ERBIN: variants seen among roughly 807,000 people sequenced by gnomAD.
The protein encoded by ERBIN is erbb2 interacting protein, also known as densin-180-like protein.
In ERBIN, 60 loss-of-function variants were observed where a neutral mutation model predicts 158.4. The observed-to-expected ratio is 0.38, with a 90% CI of 0.31 to 0.47. The LOEUF (loss-of-function observed/expected upper bound fraction) is 0.47. Among genes scored for constraint, ERBIN ranks in the 20% least tolerant of loss-of-function variants. ERBIN has a pLI of 0.99. For synonymous variants in ERBIN, 594 were observed against 557.2 expected (o/e 1.07, Z -0.93); for missense variants, 1,610 against 1,648.0 (o/e 0.98, Z 0.40).
chr5:66,037,217 G>C (rs946086431), intron 14 of ERBIN, among the ~76,000 whole-genome samples: 3 of 152,062 alleles, frequency 2.0e-5, no homozygotes, highest in Admixed American at 2.0e-4. Flanking sequence ...TCGTGACTTT[G>C]GAAAAATTTG....
At chr5:65,963,339 A>G (rs1384990167) in intron 1 of ERBIN, among the ~76,000 whole-genome samples, 1 of 152,224 alleles carries the variant, frequency 6.6e-6, no homozygotes, top group African/African-American at 2.4e-5. Flanking sequence ...GGAATTCTCA[A>G]GTTATCACTC....
At chr5:65,993,589 ATATT>A (rs1752114599) in intron 3 of ERBIN, among the ~76,000 whole-genome samples, 1 of 152,052 alleles carries the variant, frequency 6.6e-6, no homozygotes, top group Non-Finnish European at 1.5e-5. Flanking sequence ...AAATTGCTAT[ATATT>A]TAATTGTTAA....
chr5:66,001,472 T>C (rs1408075942), intron 4 of ERBIN, among the ~76,000 whole-genome samples: 2 of 152,188 alleles, frequency 1.3e-5, no homozygotes, highest in African/African-American at 4.8e-5. Flanking sequence ...GTAGTTCTTA[T>C]CAGTGTTTTT....
At chr5:66,068,931 T>C in intron 21 of ERBIN, 3 of 1,535,902 alleles carry the variant, frequency 2.0e-6, no homozygotes, top group Non-Finnish European at 2.6e-6. Context: ...CAGTTTTCAC[T>C]GTGGCAGCTC....
rs569350175 is a variant in ERBIN, at chr5:66,076,372, C to T, written c.4020C>T (p.Val1340=). 24 of 1,613,234 alleles carry T rather than the reference C, an allele frequency of 1.5e-5. No individual in the cohort carries two copies. The highest frequency in any genetic ancestry group is 6.7e-5 in the African/African-American group (5 of 74,922). ...PELGFSISGG[V]GGRGNPFRPD... is the part of the protein sequence containing the mutation. ...TTGGATTTAGCATATCAGGTGGTGT[C>T]GGGGGTAGAGGAAACCCATTCAGAC... The change falls in exon 24 of 26, where the codon GTC becomes GTT. Residue 1340 remains valine (V), a synonymous_variant. Coordinates refer to ENST00000284037, the MANE Select transcript of ERBIN (RefSeq NM_001253697.2).
chr5:65,962,206 T>C (rs1748000727), intron 1 of ERBIN, among the ~76,000 whole-genome samples: 1 of 152,212 alleles, frequency 6.6e-6, no homozygotes, highest in African/African-American at 2.4e-5. Context: ...TATAGGTCAG[T>C]GATTTCCTTC....
intron 1 of ERBIN, among the ~76,000 whole-genome samples, chr5:65,939,384 C>T (rs1744498435): frequency 6.6e-6 from 1 of 152,116 alleles, no homozygotes; most frequent in African/African-American, 2.4e-5. Flanking sequence ...TTGCAGTGAG[C>T]CGAGGTTGCG....
intron 21 of ERBIN, among the ~76,000 whole-genome samples, chr5:66,063,020 T>C (rs1441376892): frequency 6.6e-6 from 1 of 152,230 alleles, no homozygotes; most frequent in African/African-American, 2.4e-5. Context: ...CTGCCTGTTC[T>C]CAGATCTCAA....
Position 66,026,385 on chromosome 5 carries a change from A to G in ERBIN, c.1104A>G (p.Gln368=), listed in dbSNP as rs1354209926. ...ETLPEEMGDM[Q]KLKVINLSDN... ...TTCCAGAGGAAATGGGTGATATGCA[A>G]AAATTAAAAGTCATTAATTTAAGTG... Residue 368 remains glutamine (Q), a synonymous_variant, in exon 13 of 26, where the codon CAA becomes CAG. Coordinates refer to ENST00000284037, the MANE Select transcript of ERBIN (RefSeq NM_001253697.2). 1.9e-6 allele frequency: 3 copies of G among 1,600,434 alleles called. No homozygotes were observed. In the African/African-American group the frequency reaches 4.1e-5, roughly 22 times the overall value.
intron 21 of ERBIN, chr5:66,068,800 AGTCTAC>A (rs1204054448): frequency 2.4e-6 from 3 of 1,274,150 alleles, no homozygotes; most frequent in Non-Finnish European, 3.1e-6. Flanking sequence ...CTTGTAAATA[AGTCTAC>A]GTATATAACA....
chr5:65,937,661 C>T (rs1429401421), intron 1 of ERBIN, among the ~76,000 whole-genome samples: 1 of 152,174 alleles, frequency 6.6e-6, no homozygotes, highest in Non-Finnish European at 1.5e-5. Context: ...GTAATCCCAG[C>T]ACTTTGGGAG....
chr5:65,990,547 AC>A (rs1751758920), intron 2 of ERBIN, among the ~76,000 whole-genome samples: 1 of 145,234 alleles, frequency 6.9e-6, no homozygotes, highest in Admixed American at 6.6e-5. Context: ...GCGGGCAGCT[AC>A]TCGGGAGGCT....
At position 66,032,544 on chromosome 5, in the gene ERBIN, G is replaced by T. The variant is rs571916976; in HGVS notation, c.1206+4201G>T. Among the ~76,000 whole-genome samples, 9 of 152,312 alleles carry T rather than the reference G, an allele frequency of 5.9e-5. No individual in the cohort carries two copies. In the East Asian group the frequency reaches 1.7e-3, roughly 29 times the overall value. On this transcript the variant is annotated intron_variant, in intron 14 of 25. Coordinates refer to ENST00000284037, the MANE Select transcript of ERBIN (RefSeq NM_001253697.2). ...TCTGCCATCAGTATAAAAGGAAGAA[G>T]TGATTTTTATGATAGATAATACGGA...
chr5:66,035,146 C>G (rs920520501), intron 14 of ERBIN, among the ~76,000 whole-genome samples: 1 of 152,088 alleles, frequency 6.6e-6, no homozygotes, highest in Non-Finnish European at 1.5e-5. Flanking sequence ...TCATGGTTAC[C>G]CTAGGCTCTG....
At position 66,008,403 on chromosome 5, in the gene ERBIN, T is replaced by C. The variant is rs369070757; in HGVS notation, c.308-3646T>C. Among the ~76,000 whole-genome samples the C allele has an allele frequency of 1.4e-3, 213 of 152,244 alleles. 1 individual carries two copies. Among genetic ancestry groups the C allele is most frequent in the Middle Eastern group, 3.4e-3 (1 of 294 alleles). On this transcript the variant is annotated intron_variant, in intron 4 of 25. Transcript: ENST00000284037. ...CACTGCACTCCAGTCTGGGCAACAGTGTGAGACTCCATCGCTAAATAAATA... is the reference window on the plus strand; with the variant it reads ...CACTGCACTCCAGTCTGGGCAACAGCGTGAGACTCCATCGCTAAATAAATA...
At chr5:66,036,943 A>G (rs2151186751) in intron 14 of ERBIN, among the ~76,000 whole-genome samples, 1 of 152,266 alleles carries the variant, frequency 6.6e-6, no homozygotes, top group East Asian at 1.9e-4. Flanking sequence ...TTCTTATTAC[A>G]TCTTTGTTGA....
At position 66,059,211 on chromosome 5, in the gene ERBIN, A is replaced by C. The variant is rs536519855; in HGVS notation, c.3633+4260A>C. On this transcript the variant is annotated intron_variant, in intron 21 of 25. Transcript: ENST00000284037. ...ATTTGTTTGTATCCTCTTTTATTTC[A>C]TTGAGCAGTGGTTTGTAGTTCTCCT... Among the ~76,000 whole-genome samples the C allele has an allele frequency of 2.0e-4, 31 of 151,988 alleles. No individual in the cohort carries two copies. In the South Asian group the frequency reaches 5.2e-3, roughly 25 times the overall value.
At chr5:65,965,392 T>G (rs1165305310) in intron 1 of ERBIN, among the ~76,000 whole-genome samples, 125 of 5,992 alleles carry the variant, frequency 0.021, no homozygotes, top group African/African-American at 0.041. Context: ...GTTTTTTTTT[T>G]TTTTTTTTTT....
At chr5:66,057,036 G>C (rs1433578569) in intron 21 of ERBIN, among the ~76,000 whole-genome samples, 1 of 152,038 alleles carries the variant, frequency 6.6e-6, no homozygotes, top group Non-Finnish European at 1.5e-5. Context: ...CCTAACATAC[G>C]TGAAACTTTT....
Sources: allele counts gnomAD v4.1 joint callset (sites outside exome capture counted in the v4.1 genomes callset), GRCh38; gene constraint gnomAD v4.1.1; transcripts MANE v1.5; gene names NCBI Gene and HGNC (gene_info 2026-07-23, HGNC 2026-07-21).